TTLL11: variants seen among roughly 807,000 people sequenced by gnomAD.
TTLL11 encodes tubulin polyglutamylase TTLL11.
A neutral mutation model predicts 51.7 loss-of-function variants in TTLL11; 42 were observed. The ratio of observed to expected loss-of-function variants is 0.81; its 90% confidence interval spans 0.64 to 1.05. The LOEUF is 1.05. TTLL11 is among the 50% of genes least tolerant of loss of function. The pLI is 0.00. For synonymous variants in TTLL11, 381 were observed against 383.5 expected, an observed-to-expected ratio of 0.99 and a Z score of 0.08; for missense variants, 799 against 940.4, an observed-to-expected ratio of 0.85 and a Z score of 1.97.
At chr9:121,987,688 C>G (rs1842971948) in intron 4 of TTLL11, among the ~76,000 whole-genome samples, 1 of 152,146 alleles carries the variant, frequency 6.6e-6, no homozygotes, top group South Asian at 2.1e-4. Flanking sequence ...CCCCAGGCAC[C>G]TCATCCTTGC....
chr9:122,056,874 T>G (rs1466654445), intron 1 of TTLL11, among the ~76,000 whole-genome samples: 1 of 152,098 alleles, frequency 6.6e-6, no homozygotes, highest in East Asian at 1.9e-4. Flanking sequence ...TTAGAAGAAC[T>G]GAGCTAGAGG....
chr9:121,918,087 G>A (rs1840405410), intron 6 of TTLL11, among the ~76,000 whole-genome samples: 1 of 152,130 alleles, frequency 6.6e-6, no homozygotes. Context: ...TCAGCCTGTG[G>A]TCACTTTACA....
chr9:122,041,668 T>C (rs1296862007), intron 1 of TTLL11, among the ~76,000 whole-genome samples: 2 of 152,132 alleles, frequency 1.3e-5, no homozygotes, highest in Admixed American at 6.5e-5. Context: ...GAATTCCATT[T>C]ATAATAGCAT....
At chr9:122,007,001 A>AC (rs1167216184) in intron 3 of TTLL11, among the ~76,000 whole-genome samples, 10 of 149,574 alleles carry the variant, frequency 6.7e-5, no homozygotes, top group African/African-American at 2.5e-4. Flanking sequence ...AAAAAAAAAA[A>AC]AAAAAAAACT....
chr9:121,970,999 G>C (rs1270102425), intron 6 of TTLL11, among the ~76,000 whole-genome samples: 4 of 151,846 alleles, frequency 2.6e-5, no homozygotes, highest in Non-Finnish European at 5.9e-5. Context: ...CCGGCCAGCC[G>C]CCCCATCCGG....
At chr9:121,847,470 C>T (rs942158161) in intron 8 of TTLL11, among the ~76,000 whole-genome samples, 3 of 152,022 alleles carry the variant, frequency 2.0e-5, no homozygotes, top group African/African-American at 4.8e-5. Context: ...GAGGGATCAT[C>T]ACTATCACTA....
At chr9:121,977,225 A>T (rs1406194016) in intron 4 of TTLL11, among the ~76,000 whole-genome samples, 1 of 152,182 alleles carries the variant, frequency 6.6e-6, no homozygotes, top group Non-Finnish European at 1.5e-5. Context: ...TGGGTCTTGT[A>T]TAGGAATGCT....
intron 6 of TTLL11, among the ~76,000 whole-genome samples, chr9:121,964,715 G>A (rs904994335): frequency 1.3e-5 from 2 of 151,968 alleles, no homozygotes; most frequent in East Asian, 3.9e-4. Context: ...TGAACTCCTC[G>A]AGGCTCCCCC....
intron 6 of TTLL11, among the ~76,000 whole-genome samples, chr9:121,934,972 T>C (rs908905246): frequency 3.9e-5 from 6 of 152,202 alleles, no homozygotes; most frequent in East Asian, 1.9e-4. Flanking sequence ...GCTTGTTTTT[T>C]GAGACTAAGT....
chr9:121,944,638 A>C (rs1841601879), intron 6 of TTLL11, among the ~76,000 whole-genome samples: 1 of 152,230 alleles, frequency 6.6e-6, no homozygotes, highest in African/African-American at 2.4e-5. Flanking sequence ...TTTAAACAAA[A>C]ATACAAATTC....
rs1836539503 is a variant in TTLL11 at position 121,820,319 on chromosome 9, G to A, written c.*2268C>T. Among the ~76,000 whole-genome samples the A allele has an allele frequency of 6.6e-6, 1 of 152,232 alleles. No homozygotes were observed. Among genetic ancestry groups the A allele is most frequent in the African/African-American group, 2.4e-5 (1 of 41,462 alleles). On this transcript the variant is annotated 3_prime_UTR_variant, in exon 9 of 9. Transcript: ENST00000321582. ...CCAACTTCAAGAAATGGTGTCACGT[G>A]AGAGCTTTGTTAAGACTTCTGGTGG...
Position 121,817,984 on chromosome 9 carries a change from G to A in TTLL11, c.*4603C>T, listed in dbSNP as rs1336285878. ...AGGGCCTGGGGTCTAGAAAGGCATG[G>A]AACACCATTTCAAGTGTCTGGGCTC... On this transcript the variant is annotated 3_prime_UTR_variant, in exon 9 of 9. Coordinates refer to ENST00000321582, the MANE Select transcript of TTLL11 (RefSeq NM_001139442.2). The A allele has an allele frequency of 2.0e-5, 3 of 152,344 alleles. No homozygotes were observed. The highest frequency in any genetic ancestry group is 4.4e-5 in the Non-Finnish European group (3 of 68,150). 9.4% of individuals were successfully genotyped at this position (152,344 alleles called of 1,614,324 possible). A position where few individuals can be genotyped will look rare whatever the true frequency, so the allele number is the denominator to read the frequency against.
chr9:121,838,781 A>AAAGCAAGCAAGCAAGCAAGCAAGC lies in TTLL11; in HGVS notation c.1841-15926_1841-15903dup, dbSNP rs55715366. Among the ~76,000 whole-genome samples the AAAGCAAGCAAGCAAGCAAGCAAGC allele has an allele frequency of 4.2e-4, 59 of 140,002 alleles. 1 individual carries two copies. The Middle Eastern group carries it at 0.01, about 25-fold the overall frequency. The allele number at this position is 140,002 out of a possible 152,430, so 91.8% of individuals were successfully genotyped here. Reference sequence around the variant, plus strand: ...GAGAGAAAGCAAGCAAGCAAGCAAGAAAGCAAGCAAGCAAGCAAGCAAGCA... The same window carrying AAAGCAAGCAAGCAAGCAAGCAAGC: ...GAGAGAAAGCAAGCAAGCAAGCAAGAAAGCAAGCAAGCAAGCAAGCAAGCAAGCAAGCAAGCAAGCAAGCAAGCA... On this transcript the variant is annotated intron_variant, in intron 8 of 8. Coordinates refer to ENST00000321582, the MANE Select transcript of TTLL11 (RefSeq NM_001139442.2).
intron 1 of TTLL11, among the ~76,000 whole-genome samples, chr9:122,068,261 G>A (rs1845641139): frequency 6.6e-6 from 1 of 152,024 alleles, no homozygotes; most frequent in Non-Finnish European, 1.5e-5. Context: ...TACATAAAAA[G>A]GGCTATTTAT....
At chr9:121,927,571 T>C (rs1339873394) in intron 6 of TTLL11, among the ~76,000 whole-genome samples, 4 of 151,850 alleles carry the variant, frequency 2.6e-5, no homozygotes, top group African/African-American at 9.7e-5. Flanking sequence ...AAAAGAAATA[T>C]GTAAACTGCT....
At chr9:122,038,844 A>T (rs1844768857) in intron 2 of TTLL11, among the ~76,000 whole-genome samples, 1 of 152,190 alleles carries the variant, frequency 6.6e-6, no homozygotes, top group African/African-American at 2.4e-5. Flanking sequence ...CTTAATATGG[A>T]GACCAGTATA....
chr9:121,911,724 T>A (rs1840126446), intron 6 of TTLL11, among the ~76,000 whole-genome samples: 1 of 150,904 alleles, frequency 6.6e-6, no homozygotes, highest in Admixed American at 6.6e-5. Context: ...CGGGTGGGAG[T>A]TGAACAATGA....
intron 6 of TTLL11, among the ~76,000 whole-genome samples, chr9:121,958,747 T>C (rs1842108033): frequency 6.6e-6 from 1 of 152,252 alleles, no homozygotes. Context: ...ACTCATTTCC[T>C]GACTACCTTG....
chr9:122,009,436 CT>C, intron 3 of TTLL11, among the ~76,000 whole-genome samples: 1 of 151,736 alleles, frequency 6.6e-6, no homozygotes, highest in East Asian at 1.9e-4. Flanking sequence ...ACTTCACCAG[CT>C]TTTTTGATGT....
Sources: allele counts gnomAD v4.1 joint callset (sites outside exome capture counted in the v4.1 genomes callset), GRCh38; gene constraint gnomAD v4.1.1; transcripts MANE v1.5; gene names NCBI Gene and HGNC (gene_info 2026-07-23, HGNC 2026-07-21).